Variants in WRAP53 observed in about 807,000 individuals in gnomAD.
WRAP53 encodes telomerase Cajal body protein 1.
WRAP53 carries 28 observed loss-of-function variants against 56.6 expected under a neutral mutation model. The ratio of observed to expected loss-of-function variants is 0.50; its 90% confidence interval spans 0.37 to 0.68. WRAP53 has a LOEUF of 0.68. WRAP53 is among the 30% of genes least tolerant of loss of function. The pLI, the probability that WRAP53 is intolerant of heterozygous loss-of-function variation, is 0.00. For missense variants in WRAP53, 671 were observed against 715.5 expected, an observed-to-expected ratio of 0.94 and a Z score of 0.71; for synonymous variants, 283 against 283.4, an observed-to-expected ratio of 1.00 and a Z score of 0.01.
At chr17:7,686,105 G>C (rs962280371), upstream of WRAP53, 1 of 152,260 alleles carries the variant, frequency 6.6e-6, no homozygotes, top group Non-Finnish European at 1.5e-5. Context: ...AGGAAGAACC[G>C]GCTCGGGCCG....
In WRAP53 at chr17:7,688,994, G is replaced by A. The variant is rs1701909717; in HGVS notation, c.346G>A (p.Glu116Lys). The A allele has an allele frequency of 1.2e-6, 2 of 1,614,182 alleles. No individual in the cohort carries two copies. Among genetic ancestry groups the A allele is most frequent in the Non-Finnish European group, 1.7e-6 (2 of 1,180,036 alleles). The change falls in exon 2 of 11, where the codon GAA becomes AAA. Residue 116 changes from glutamate to lysine, a missense_variant. Around this residue, in one of 3 missense-constraint regions of WRAP53, gnomAD observed 406 missense variants for 418.5 expected, o/e 0.97. Coordinates refer to ENST00000396463, the MANE Select transcript of WRAP53 (RefSeq NM_001143992.2). ...AEEANGSLSE[E>K]EANGPELGSG... ...AGAAGCAAACGGGAGCCTTTCTGAA[G>A]AAGAAGCGAACGGGCCAGAGTTGGG...
chr17:7,703,150 T>A (rs767018726), intron 10 of WRAP53, 23 bp downstream of exon 10: 3 of 1,613,784 alleles, frequency 1.9e-6, no homozygotes, highest in Admixed American at 1.7e-5. Context: ...ATTCCAGAGA[T>A]GTTGGGGCTT....
In WRAP53 at chr17:7,700,851, G is replaced by T. The variant is rs761634556; in HGVS notation, c.731+22G>T. ...CCTAGTAAGTAATGTTTGCCTCCCTGCTCGCCGCCCCACCACCCAGTTTCA... is the reference window on the plus strand; with the variant it reads ...CCTAGTAAGTAATGTTTGCCTCCCTTCTCGCCGCCCCACCACCCAGTTTCA... On this transcript the variant is annotated intron_variant, in intron 5 of 10. Coordinates refer to ENST00000396463, the MANE Select transcript of WRAP53 (RefSeq NM_001143992.2). 4 of 1,571,984 alleles carry T rather than the reference G, an allele frequency of 2.5e-6. No individual in the cohort carries two copies. The South Asian group carries it at 4.4e-5, about 17-fold the overall frequency.
upstream of WRAP53, chr17:7,687,041 C>CT: frequency 6.0e-6 from 2 of 333,238 alleles, no homozygotes; most frequent in Non-Finnish European, 1.1e-5. Context: ...CTTTGTGCAT[C>CT]TTTTATTTCA....
chr17:7,694,740 A>G (rs1450154821), intron 4 of WRAP53, among the ~76,000 whole-genome samples: 2 of 151,904 alleles, frequency 1.3e-5, no homozygotes, highest in Non-Finnish European at 2.9e-5. Context: ...AGGTGGGAGG[A>G]TCGCTTGAGC....
intron 3 of WRAP53, 53 bp downstream of exon 3, chr17:7,689,375 A>G: frequency 1.3e-6 from 2 of 1,578,464 alleles, no homozygotes; most frequent in South Asian, 1.1e-5. Context: ...TTTCACTGTA[A>G]AACAGTCCAG....
At chr17:7,693,303 G>A (rs2074139608) in intron 4 of WRAP53, among the ~76,000 whole-genome samples, 1 of 152,008 alleles carries the variant, frequency 6.6e-6, no homozygotes, top group Admixed American at 6.6e-5. Flanking sequence ...AGACCAGTTA[G>A]TGTGACTGTG....
At chr17:7,697,848 A>C (rs1024272096) in intron 4 of WRAP53, among the ~76,000 whole-genome samples, 3 of 150,340 alleles carry the variant, frequency 2.0e-5, no homozygotes. Context: ...GGCAATACCA[A>C]GAAGATAAAG....
At chr17:7,695,439 C>G (rs2037256749) in intron 4 of WRAP53, among the ~76,000 whole-genome samples, 1 of 152,144 alleles carries the variant, frequency 6.6e-6, no homozygotes, top group South Asian at 2.1e-4. Context: ...TTCCTGAGTA[C>G]TTGCCCTGCC....
chr17:7,692,511 CTCTGGAG>C (rs2151088473), intron 4 of WRAP53, among the ~76,000 whole-genome samples: 1 of 149,136 alleles, frequency 6.7e-6, no homozygotes, highest in East Asian at 2.1e-4. Context: ...ATCCCAGCTA[CTCTGGAG>C]TCTGAGGCAG....
At chr17:7,689,143 C>G in intron 2 of WRAP53, 64 bp downstream of exon 2, 6 of 1,613,836 alleles carry the variant, frequency 3.7e-6, no homozygotes, top group Non-Finnish European at 5.1e-6. Flanking sequence ...GATCTGTCCT[C>G]TGGTCCTGAG....
At chr17:7,696,701 G>A (rs925288168) in intron 4 of WRAP53, among the ~76,000 whole-genome samples, 5 of 152,202 alleles carry the variant, frequency 3.3e-5, no homozygotes, top group Admixed American at 3.3e-4. Flanking sequence ...GAACTGGCAA[G>A]ATTTGGTATT....
chr17:7,702,145 G>C lies in WRAP53; in HGVS notation c.956-199G>C. On this transcript the variant is annotated intron_variant, in intron 7 of 10. Transcript: ENST00000396463. The surrounding 1 kb of genome is among the most constrained non-coding windows in gnomAD (Gnocchi z 5.0). Reference sequence around the variant, plus strand: ...AGAACTGGGATTTGAGAGGGATGAAGTGGGGCTTGGGCATTTAGGTCCTTT... The same window carrying C: ...AGAACTGGGATTTGAGAGGGATGAACTGGGGCTTGGGCATTTAGGTCCTTT... 2 of 707,122 alleles carry C rather than the reference G, an allele frequency of 2.8e-6. No individual in the cohort carries two copies. Among genetic ancestry groups the C allele is most frequent in the South Asian group, 1.7e-5 (1 of 59,434 alleles). The allele number at this position is 707,122 out of a possible 1,614,324, so 43.8% of individuals were successfully genotyped here. A position where few individuals can be genotyped will look rare whatever the true frequency, so the allele number is the denominator to read the frequency against.
In WRAP53 at chr17:7,702,254, T is replaced by C; in HGVS notation, c.956-90T>C. 16 of 1,379,040 alleles carry C rather than the reference T, an allele frequency of 1.2e-5. No homozygotes were observed. Among genetic ancestry groups the C allele is most frequent in the Non-Finnish European group, 1.7e-5 (16 of 969,340 alleles). 85.4% of individuals were successfully genotyped at this position (1,379,040 alleles called of 1,614,324 possible). On this transcript the variant is annotated intron_variant, in intron 7 of 10. Coordinates refer to ENST00000396463, the MANE Select transcript of WRAP53 (RefSeq NM_001143992.2). This position sits in a 1 kb window ranked among gnomAD's most constrained non-coding sequence, Gnocchi z 5.0. ...GGGGGGATGTTGAGTCCAAGCATGTTGGTGCTGGGACGGGAGACAGACCTC... is the reference window on the plus strand; with the variant it reads ...GGGGGGATGTTGAGTCCAAGCATGTCGGTGCTGGGACGGGAGACAGACCTC...
At chr17:7,693,446 C>T (rs909896067) in intron 4 of WRAP53, among the ~76,000 whole-genome samples, 3 of 152,122 alleles carry the variant, frequency 2.0e-5, no homozygotes, top group African/African-American at 2.4e-5. Flanking sequence ...AGGCCGGGTG[C>T]GGTGGCTCAC....
At position 7,689,507 on chromosome 17, in the gene WRAP53, C is replaced by T. The variant is rs536866484; in HGVS notation, c.531-83C>T. Reference sequence around the variant, plus strand: ...CCCTCAAGGATTCAGGGGGGCTTACCTACCCCAGAGGCAGGCTCAGCCCTA... The same window carrying T: ...CCCTCAAGGATTCAGGGGGGCTTACTTACCCCAGAGGCAGGCTCAGCCCTA... On this transcript the variant is annotated intron_variant, in intron 3 of 10. Transcript: ENST00000396463. The T allele has an allele frequency of 7.8e-5, 111 of 1,415,972 alleles. No homozygotes were observed. In the East Asian group the frequency reaches 2.4e-3, roughly 31 times the overall value. The allele number at this position is 1,415,972 out of a possible 1,614,324, so 87.7% of individuals were successfully genotyped here. A position where few individuals can be genotyped will look rare whatever the true frequency, so the allele number is the denominator to read the frequency against.
At chr17:7,693,444 TGC>T (rs2074141164) in intron 4 of WRAP53, among the ~76,000 whole-genome samples, 1 of 152,010 alleles carries the variant, frequency 6.6e-6, no homozygotes, top group Admixed American at 6.6e-5. Context: ...TAAGGCCGGG[TGC>T]GGTGGCTCAC....
chr17:7,702,775 G>A lies in WRAP53; in HGVS notation c.1197G>A (p.Gln399=), dbSNP rs1160488955. 6.2e-7 allele frequency: 1 copy of A among 1,613,928 alleles called. No homozygotes were observed. The highest frequency in any genetic ancestry group is 1.7e-5 in the Admixed American group (1 of 60,024). The change falls in exon 9 of 11, where the codon CAG becomes CAA. Residue 399 remains glutamine (Q), a synonymous_variant. Transcript: ENST00000396463. This position sits in a 1 kb window ranked among gnomAD's most constrained non-coding sequence, Gnocchi z 5.0. ...AGCTCCTGTGCTGGGATCTCCGGCA[G>A]TCTGGTTACCCACTGTGGTCCCTGG... The part of the protein sequence containing the change: ...DAELLCWDLR[Q]SGYPLWSLGR...
At position 7,688,570 on chromosome 17, in the gene WRAP53, C is replaced by CT. The variant is rs1368000929; in HGVS notation, c.-2+12dup. 6.5e-7 allele frequency: 1 copy of CT among 1,535,464 alleles called. No individual in the cohort carries two copies. The highest frequency in any genetic ancestry group is 1.4e-5 in the African/African-American group (1 of 72,882). ...AGAGGAGGGAAGCACAGGTGGGTTT[C>CT]TTTAGCTCTGCGTCGGATCCCTGAG... is the stretch of plus-strand genomic sequence containing the variant. On this transcript the variant is annotated intron_variant, in intron 1 of 10. Coordinates refer to ENST00000396463, the MANE Select transcript of WRAP53 (RefSeq NM_001143992.2).
Sources: gnomAD v4.1 joint callset for allele counts (sites outside exome capture counted in the v4.1 genomes callset) on GRCh38, gnomAD v4.1.1 for gene constraint, gnomAD v4.1.1 regional missense constraint, Gnocchi (gnomAD v3.1) non-coding constraint, MANE v1.5 for transcripts, NCBI Gene and HGNC (gene_info 2026-07-23, HGNC 2026-07-21) for gene names.